PRKN: variants seen among roughly 807,000 people sequenced by gnomAD.
PRKN encodes the protein E3 ubiquitin-protein ligase parkin.
Under a neutral mutation model 59.5 loss-of-function variants are expected in PRKN, and 56 were observed. That is an observed-to-expected ratio of 0.94 (90% CI 0.76 to 1.18). The LOEUF (loss-of-function observed/expected upper bound fraction) is 1.18, where lower values mean the gene tolerates loss of function less well. Among genes scored for constraint, PRKN ranks in the 50% most tolerant of loss-of-function variants. The probability of loss-of-function intolerance (pLI) is 0.00; values close to 1 mark genes in which losing one functional copy is unlikely to be tolerated. For missense variants in PRKN, 657 were observed against 596.4 expected (o/e 1.10, Z -1.06); for synonymous variants, 250 against 222.1 (o/e 1.13, Z -1.12).
At chr6:162,559,631 A>C (rs1201506235) in intron 1 of PRKN, among the ~76,000 whole-genome samples, 1 of 152,230 alleles carries the variant, frequency 6.6e-6, no homozygotes, top group Non-Finnish European at 1.5e-5. Context: ...AAAGACTTTC[A>C]GTTATAGAGG....
chr6:161,786,543 C>A (rs1341060515), intron 6 of PRKN, among the ~76,000 whole-genome samples: 1 of 151,856 alleles, frequency 6.6e-6, no homozygotes, highest in South Asian at 2.1e-4. Context: ...AACAGATTTT[C>A]AAAATTCTGC....
intron 4 of PRKN, among the ~76,000 whole-genome samples, chr6:162,087,593 T>C (rs923004587): frequency 2.1e-5 from 3 of 141,856 alleles, no homozygotes; most frequent in Admixed American, 1.4e-4. Flanking sequence ...TAATTTCTTT[T>C]TTTTTTTTTT....
rs1486086399 is a variant in PRKN at position 162,097,545 on chromosome 6, G to C, written c.535-43371C>G. ...GTGGTTAAGGAAATAAATTTTGCCT[G>C]CTGAATAGTTGTAATGTTCATTCCT... On this transcript the variant is annotated intron_variant, in intron 4 of 11. Transcript: ENST00000366898. Among the ~76,000 whole-genome samples the C allele has an allele frequency of 2.0e-5, 3 of 152,180 alleles. No homozygotes were observed. In the South Asian group the frequency reaches 6.2e-4, roughly 31 times the overall value.
At chr6:162,566,704 T>C (rs987948739) in intron 1 of PRKN, among the ~76,000 whole-genome samples, 2 of 152,088 alleles carry the variant, frequency 1.3e-5, no homozygotes, top group Non-Finnish European at 2.9e-5. Context: ...CTACCAAACA[T>C]TTAAAGAAGA....
intron 3 of PRKN, among the ~76,000 whole-genome samples, chr6:162,205,167 ATCT>A (rs1382792017): frequency 6.6e-6 from 1 of 152,066 alleles, no homozygotes. Flanking sequence ...GGCCAAGTCC[ATCT>A]TCTTCTTTAG....
At chr6:161,721,307 G>C (rs573699132) in intron 7 of PRKN, among the ~76,000 whole-genome samples, 1 of 152,264 alleles carries the variant, frequency 6.6e-6, no homozygotes, top group Non-Finnish European at 1.5e-5. Flanking sequence ...GAGAACATTT[G>C]AGCATTTTTA....
Position 161,552,788 on chromosome 6 carries a change from T to TTGTTG in PRKN, c.934-3786_934-3785insCAACA, listed in dbSNP as rs56348459. ...AAAAGACACCATGGTTTTGTTGTTGTTTTTGTTTTTTGTTTTTTTTTTTTA... is the reference window on the plus strand; with the variant it reads ...AAAAGACACCATGGTTTTGTTGTTGTTGTTGTTTTGTTTTTTGTTTTTTTTTTTTA... On this transcript the variant is annotated intron_variant, in intron 8 of 11. Coordinates refer to ENST00000366898, the MANE Select transcript of PRKN (RefSeq NM_004562.3). The surrounding 1 kb of genome is among the most constrained non-coding windows in gnomAD (Gnocchi z 4.9). Among the ~76,000 whole-genome samples the TTGTTG allele has an allele frequency of 7.6e-4, 88 of 116,462 alleles. No homozygotes were observed. The highest frequency in any genetic ancestry group is 2.5e-3 in the African/African-American group (79 of 30,992). The allele number at this position is 116,462 out of a possible 152,430, so 76.4% of individuals were successfully genotyped here. A position where few individuals can be genotyped will look rare whatever the true frequency, so the allele number is the denominator to read the frequency against.
chr6:161,836,386 G>A (rs893402297), intron 6 of PRKN, among the ~76,000 whole-genome samples: 1 of 152,138 alleles, frequency 6.6e-6, no homozygotes, highest in African/African-American at 2.4e-5. Context: ...GGGGGAAATT[G>A]CCGTACATGA....
At chr6:162,074,955 T>C (rs554563534) in intron 4 of PRKN, among the ~76,000 whole-genome samples, 3 of 152,310 alleles carry the variant, frequency 2.0e-5, no homozygotes, top group African/African-American at 7.2e-5. Context: ...TTCCGTTTCA[T>C]AGAATTTAAA....
chr6:162,637,246 G>C (rs983979761), intron 1 of PRKN, among the ~76,000 whole-genome samples: 1 of 150,206 alleles, frequency 6.7e-6, no homozygotes, highest in Non-Finnish European at 1.5e-5. Context: ...GACAGTGCAA[G>C]ACTCCGTCTG....
chr6:161,722,992 G>C (rs1787287530), intron 7 of PRKN, among the ~76,000 whole-genome samples: 1 of 152,094 alleles, frequency 6.6e-6, no homozygotes, highest in African/African-American at 2.4e-5. Context: ...ACGCTGGCTG[G>C]GCACGGTGGC....
At chr6:162,517,279 G>A (rs1173608611) in intron 1 of PRKN, among the ~76,000 whole-genome samples, 3 of 147,578 alleles carry the variant, frequency 2.0e-5, no homozygotes, top group Admixed American at 6.8e-5. Flanking sequence ...ACGGAGTCCC[G>A]CTCTGTCGCC....
At chr6:161,753,410 G>A (rs1053515287) in intron 7 of PRKN, among the ~76,000 whole-genome samples, 6 of 152,142 alleles carry the variant, frequency 3.9e-5, no homozygotes, top group African/African-American at 1.2e-4. Flanking sequence ...GGGATGGAGG[G>A]GAAAAAAGCC....
intron 7 of PRKN, among the ~76,000 whole-genome samples, chr6:161,703,833 CTCTCTCTTTTTTTTTT>C (rs1422784483): frequency 6.3e-5 from 8 of 127,582 alleles, no homozygotes; most frequent in African/African-American, 2.6e-4. Flanking sequence ...CTCTCTCTCT[CTCTCTCTTTTTTTTTT>C]TTTTTTTTTT....
intron 2 of PRKN, among the ~76,000 whole-genome samples, chr6:162,349,279 C>T (rs1784528461): frequency 6.6e-6 from 1 of 152,040 alleles, no homozygotes; most frequent in Admixed American, 6.6e-5. Flanking sequence ...ACCAGCCTGG[C>T]CAATATGGTG....
chr6:161,539,753 G>T (rs996140311), intron 9 of PRKN, among the ~76,000 whole-genome samples: 3 of 152,062 alleles, frequency 2.0e-5, no homozygotes, highest in African/African-American at 7.2e-5. Flanking sequence ...CTACCCAAAG[G>T]CAGCCACTGT....
chr6:162,200,123 C>G (rs563490993), intron 4 of PRKN, among the ~76,000 whole-genome samples: 1 of 152,272 alleles, frequency 6.6e-6, no homozygotes, highest in Non-Finnish European at 1.5e-5. Flanking sequence ...GGGTTCCTGG[C>G]TGGTGCCTGG....
chr6:161,928,389 A>G (rs1169313677), intron 6 of PRKN, among the ~76,000 whole-genome samples: 1 of 152,260 alleles, frequency 6.6e-6, no homozygotes, highest in East Asian at 1.9e-4. Context: ...AAGACAAATC[A>G]TACTCGATCA....
intron 1 of PRKN, among the ~76,000 whole-genome samples, chr6:162,667,239 T>C (rs939956435): frequency 6.6e-6 from 1 of 152,054 alleles, no homozygotes; most frequent in Non-Finnish European, 1.5e-5. Context: ...TTTTCTTAGT[T>C]TAATATTAAA....
Sources: allele counts gnomAD v4.1 joint callset (sites outside exome capture counted in the v4.1 genomes callset), GRCh38; gene constraint gnomAD v4.1.1; non-coding constraint Gnocchi (gnomAD v3.1); transcripts MANE v1.5; gene names NCBI Gene and HGNC (gene_info 2026-07-23, HGNC 2026-07-21).